The following APOL5 variants were observed in gnomAD, a reference collection of about 807,000 sequenced individuals.
APOL5 encodes apolipoprotein L, 5.
A neutral mutation model predicts 35.5 loss-of-function variants in APOL5; 29 were observed. The observed-to-expected ratio is 0.82, with a 90% CI of 0.61 to 1.11. The LOEUF is 1.11. Among genes scored for constraint, APOL5 ranks in the 50% most tolerant of loss-of-function variants. APOL5 has a pLI of 0.00. For synonymous variants in APOL5, 188 were observed against 200.2 expected (o/e 0.94, Z 0.51); for missense variants, 514 against 530.4 (o/e 0.97, Z 0.30).
At chr22:35,721,948 G>A (rs922735228) in intron 2 of APOL5, among the ~76,000 whole-genome samples, 7 of 152,196 alleles carry the variant, frequency 4.6e-5, no homozygotes, top group Non-Finnish European at 1.0e-4. Flanking sequence ...ATCTTCATGC[G>A]TCATGCAAAT....
rs758778060 is a variant in APOL5 at position 35,726,633 on chromosome 22, G to A, written c.565G>A (p.Val189Ile). 22 of 1,614,078 alleles carry A rather than the reference G, an allele frequency of 1.4e-5. No homozygotes were observed. Among genetic ancestry groups the A allele is most frequent in the Non-Finnish European group, 1.7e-5 (20 of 1,180,034 alleles). The change falls in exon 3 of 5, where the codon GTC becomes ATC. Residue 189 changes from valine (V) to isoleucine (I), a missense_variant. This residue lies in a region of APOL5 where 254 missense variants were observed against 254.7 expected (regional missense o/e 1.00). Transcript: ENST00000249044. ...TGCCATCACCAACATAGTAACAAAT[G>A]TCTTAGAAAATAGAAGCAATTCAGC... Reference protein sequence around the residue: ...AAAITNIVTNVLENRSNSAAR... With the variant: ...AAAITNIVTNILENRSNSAAR...
At chr22:35,724,541 A>C (rs1449385876) in intron 2 of APOL5, among the ~76,000 whole-genome samples, 1 of 152,202 alleles carries the variant, frequency 6.6e-6, no homozygotes, top group African/African-American at 2.4e-5. Context: ...TGGTGACCAA[A>C]GTCAGTAAAG....
chr22:35,726,994 G>T lies in APOL5; in HGVS notation c.926G>T (p.Ser309Ile), dbSNP rs762212305. Reference sequence around the variant, plus strand: ...TTCTTACTTATGAAAGACATGAGCAGCTTCCTGCAGAGCTGGAAGCACCTG... The same window carrying T: ...TTCTTACTTATGAAAGACATGAGCATCTTCCTGCAGAGCTGGAAGCACCTG... ...AGFLLMKDMS[S>I]FLQSWKHLED... Residue 309 changes from serine (S) to isoleucine (I), a missense_variant, in exon 3 of 5, where the codon AGC (serine) becomes ATC (isoleucine). By Grantham distance (142) the Ser-to-Ile change is moderately radical. Transcript: ENST00000249044. 2 of 1,614,160 alleles carry T rather than the reference G, an allele frequency of 1.2e-6. No individual in the cohort carries two copies. The highest frequency in any genetic ancestry group is 1.7e-6 in the Non-Finnish European group (2 of 1,180,000).
At chr22:35,710,347 G>A in the APOL5 span, among the ~76,000 whole-genome samples, 1 of 146,908 alleles carries the variant, frequency 6.8e-6, no homozygotes, top group Non-Finnish European at 1.5e-5. Flanking sequence ...TCACTTTGTT[G>A]TCCAGGCTGG....
the APOL5 span, among the ~76,000 whole-genome samples, chr22:35,710,892 C>T: frequency 6.6e-6 from 1 of 152,186 alleles, no homozygotes; most frequent in Non-Finnish European, 1.5e-5. Context: ...TCTGGCCAGG[C>T]GCAGTGGCTC....
the APOL5 span, among the ~76,000 whole-genome samples, chr22:35,711,493 TG>T: frequency 6.6e-6 from 1 of 152,190 alleles, no homozygotes; most frequent in Non-Finnish European, 1.5e-5. Context: ...AAAAACGTGT[TG>T]TTTTTTATGG....
chr22:35,718,547 T>G (rs1327160582), intron 1 of APOL5, among the ~76,000 whole-genome samples: 2 of 129,086 alleles, frequency 1.5e-5, no homozygotes, highest in Non-Finnish European at 3.1e-5. Flanking sequence ...AACTGGGAGA[T>G]CGCGCCATTG....
chr22:35,722,019 C>T (rs945697523), intron 2 of APOL5, among the ~76,000 whole-genome samples: 2 of 152,156 alleles, frequency 1.3e-5, no homozygotes, highest in Admixed American at 1.3e-4. Context: ...CTTGGCCCAG[C>T]CTCCCTCTAC....
intron 3 of APOL5, among the ~76,000 whole-genome samples, chr22:35,728,390 A>AT (rs1399110158): frequency 6.6e-6 from 1 of 151,908 alleles, no homozygotes; most frequent in Non-Finnish European, 1.5e-5. Flanking sequence ...CGCCTGGCTA[A>AT]TTTTTTGTAT....
rs117040599 is a variant in APOL5, at chr22:35,727,229, G to A, written c.1126+35G>A. On this transcript the variant is annotated intron_variant, in intron 3 of 4. Transcript: ENST00000249044. Reference sequence around the variant, plus strand: ...CAGCGAATAACACGGACGTGGTCTTGCTCTTCTAAAAGCTTACCATGAGGG... The same window carrying A: ...CAGCGAATAACACGGACGTGGTCTTACTCTTCTAAAAGCTTACCATGAGGG... 14,975 of 1,567,724 alleles carry A rather than the reference G, an allele frequency of 9.6e-3. 95 individuals carry two copies. Among genetic ancestry groups the A allele is most frequent in the Non-Finnish European group, 0.012 (13,423 of 1,163,360 alleles).
the APOL5 span, among the ~76,000 whole-genome samples, chr22:35,710,921 C>T: frequency 6.6e-6 from 1 of 152,234 alleles, no homozygotes; most frequent in Non-Finnish European, 1.5e-5. Flanking sequence ...AATCCCAACA[C>T]TTTGGGAGGC....
chr22:35,724,901 G>C (rs1465285457), intron 2 of APOL5, among the ~76,000 whole-genome samples: 1 of 152,136 alleles, frequency 6.6e-6, no homozygotes, highest in African/African-American at 2.4e-5. Context: ...GTGAGCCACC[G>C]TGCCCGGCCT....
intron 2 of APOL5, among the ~76,000 whole-genome samples, chr22:35,723,652 C>A (rs1241393813): frequency 3.3e-5 from 5 of 151,736 alleles, no homozygotes; most frequent in Admixed American, 6.6e-5. Context: ...CTAAGTGTGA[C>A]CACACTTTTG....
At chr22:35,725,965 T>G (rs1007756690) in intron 2 of APOL5, among the ~76,000 whole-genome samples, 1 of 152,344 alleles carries the variant, frequency 6.6e-6, no homozygotes, top group Admixed American at 6.5e-5. Context: ...TGTTATCATC[T>G]TTGTTTCAAA....
chr22:35,710,017 A>G, the APOL5 span, among the ~76,000 whole-genome samples: 7 of 151,054 alleles, frequency 4.6e-5, no homozygotes, highest in African/African-American at 9.8e-5. Flanking sequence ...GATAGTTTCC[A>G]TCAGCTTGCT....
chr22:35,721,270 C>T (rs140980929), intron 2 of APOL5, among the ~76,000 whole-genome samples: 194 of 152,154 alleles, frequency 1.3e-3, no homozygotes, highest in African/African-American at 3.6e-3. Flanking sequence ...AGGGCAGGCA[C>T]GGTGGCTCAC....
chr22:35,719,702 C>T (rs555851573), intron 1 of APOL5, among the ~76,000 whole-genome samples: 25 of 151,324 alleles, frequency 1.7e-4, no homozygotes, highest in African/African-American at 5.4e-4. Context: ...TCTTGGGGAG[C>T]GTGGGCTCCG....
At chr22:35,717,121 C>T (rs1408301471), upstream of APOL5, among the ~76,000 whole-genome samples, 1 of 150,628 alleles carries the variant, frequency 6.6e-6, no homozygotes, top group Non-Finnish European at 1.5e-5. Flanking sequence ...TGCAGTGGCT[C>T]ACACCTGTAA....
upstream of APOL5, among the ~76,000 whole-genome samples, chr22:35,715,076 T>C (rs772138957): frequency 6.6e-6 from 1 of 152,244 alleles, no homozygotes; most frequent in Non-Finnish European, 1.5e-5. Context: ...AAGATGATGT[T>C]GTTTGACCTC....
Sources: allele counts gnomAD v4.1 joint callset (sites outside exome capture counted in the v4.1 genomes callset), GRCh38; gene constraint gnomAD v4.1.1; regional missense constraint gnomAD v4.1.1; transcripts MANE v1.5; gene names NCBI Gene and HGNC (gene_info 2026-07-23, HGNC 2026-07-21).